Variants in UGT2A1 observed in about 807,000 individuals in gnomAD.
UGT2A1 encodes the protein UDP-glucuronosyltransferase 2A1.
In UGT2A1, 61 loss-of-function variants were observed where a neutral mutation model predicts 45.4. The observed-to-expected ratio is 1.34, with a 90% confidence interval of 1.09 to 1.66. The LOEUF is 1.66. UGT2A1 is among the 40% of genes most tolerant of loss of function. The pLI is 0.00. For synonymous variants in UGT2A1, 229 were observed against 196.2 expected (o/e 1.17, Z -1.40); for missense variants, 649 against 574.3 (o/e 1.13, Z -1.33).
At chr4:69,648,234 AAAT>A (rs1722371802) in intron 1 of UGT2A1, among the ~76,000 whole-genome samples, 1 of 149,684 alleles carries the variant, frequency 6.7e-6, no homozygotes, top group South Asian at 2.1e-4. Flanking sequence ...TAATACTTAT[AAAT>A]AATATGTATA....
intron 4 of UGT2A1, among the ~76,000 whole-genome samples, chr4:69,598,710 G>GT (rs4148317): frequency 3.9e-4 from 58 of 149,138 alleles, no homozygotes; most frequent in East Asian, 3.0e-3. Flanking sequence ...ACTCAAAAGA[G>GT]TTTTTTTTTT....
At chr4:69,627,277 A>G (rs1433713262) in intron 3 of UGT2A1, among the ~76,000 whole-genome samples, 2 of 151,904 alleles carry the variant, frequency 1.3e-5, no homozygotes, top group African/African-American at 4.8e-5. Context: ...TTTATAAAAA[A>G]AATCAAATCC....
chr4:69,614,461 A>ATAT (rs60158482), intron 3 of UGT2A1, among the ~76,000 whole-genome samples: 14 of 151,572 alleles, frequency 9.2e-5, no homozygotes, highest in African/African-American at 1.2e-4. Context: ...CAAATTAAAA[A>ATAT]ATATATATAT....
chr4:69,625,984 T>C (rs1179671039), intron 3 of UGT2A1, among the ~76,000 whole-genome samples: 2 of 151,586 alleles, frequency 1.3e-5, no homozygotes, highest in Non-Finnish European at 3.0e-5. Context: ...CACAAGCTAT[T>C]TATAATAGCT....
chr4:69,653,094 G>A (rs1051692988), intron 1 of UGT2A1, 94 bp downstream of exon 1: 7 of 152,060 alleles, frequency 4.6e-5, no homozygotes, highest in African/African-American at 7.2e-5. Flanking sequence ...GTAAACCAGC[G>A]TTTTAAAGAT....
At chr4:69,642,272 T>C (rs1336552281) in intron 2 of UGT2A1, among the ~76,000 whole-genome samples, 3 of 151,880 alleles carry the variant, frequency 2.0e-5, no homozygotes, top group East Asian at 3.9e-4. Context: ...GTCAATTACA[T>C]CTCCAATGTA....
At chr4:69,630,535 AC>A (rs1721325747) in intron 3 of UGT2A1, among the ~76,000 whole-genome samples, 1 of 152,110 alleles carries the variant, frequency 6.6e-6, no homozygotes, top group Non-Finnish European at 1.5e-5. Flanking sequence ...ACTCTAAGCT[AC>A]TACAAATCAC....
chr4:69,609,386 G>C (rs949391019), intron 3 of UGT2A1, among the ~76,000 whole-genome samples: 1 of 151,708 alleles, frequency 6.6e-6, no homozygotes, highest in Non-Finnish European at 1.5e-5. Context: ...GTGTTGTAGA[G>C]ATGATGTCTC....
chr4:69,617,016 T>G (rs1173912525), intron 3 of UGT2A1, among the ~76,000 whole-genome samples: 2 of 151,872 alleles, frequency 1.3e-5, no homozygotes, highest in Non-Finnish European at 2.9e-5. Context: ...AATATGTAGC[T>G]GGTGGAAATA....
At chr4:69,652,727 A>G (rs1175987624) in intron 1 of UGT2A1, among the ~76,000 whole-genome samples, 1 of 152,224 alleles carries the variant, frequency 6.6e-6, no homozygotes, top group African/African-American at 2.4e-5. Context: ...CCCACTAAAG[A>G]TGACATCTCA....
In UGT2A1 at chr4:69,647,299, T is replaced by C; in HGVS notation, c.346A>G (p.Lys116Glu). 1 of 1,613,380 alleles carries C rather than the reference T, an allele frequency of 6.2e-7. No homozygotes were observed. The highest frequency in any genetic ancestry group is 8.5e-7 in the Non-Finnish European group (1 of 1,179,538). Residue 116 changes from lysine (K) to glutamate (E), a missense_variant, in exon 2 of 7, where the codon AAG becomes GAG. Transcript: ENST00000286604. Reference protein sequence around the residue: ...RFYQEMAKVIKDFHMVSQEIC... With the variant: ...RFYQEMAKVIEDFHMVSQEIC... Reference sequence around the variant, plus strand: ...TCCTGAGACACCATGTGGAAGTCCTTGATTACTTTGGCCATCTCCTGATAG... The same window carrying C: ...TCCTGAGACACCATGTGGAAGTCCTCGATTACTTTGGCCATCTCCTGATAG...
At chr4:69,641,880 A>T (rs1429401472) in intron 2 of UGT2A1, among the ~76,000 whole-genome samples, 1 of 151,768 alleles carries the variant, frequency 6.6e-6, no homozygotes, top group Non-Finnish European at 1.5e-5. Context: ...GCTAGCTATG[A>T]TATTTTAGGG....
In UGT2A1 at chr4:69,604,682, C is replaced by T. The variant is rs187165149; in HGVS notation, c.848-5288G>A. Among the ~76,000 whole-genome samples, 23 of 136,494 alleles carry T rather than the reference C, an allele frequency of 1.7e-4. 4 individuals carry two copies. Among genetic ancestry groups the T allele is most frequent in the East Asian group, 1.6e-3 (8 of 4,862 alleles). The allele number at this position is 136,494 out of a possible 152,430, so 89.5% of individuals were successfully genotyped here. A position where few individuals can be genotyped will look rare whatever the true frequency, so the allele number is the denominator to read the frequency against. On this transcript the variant is annotated intron_variant, in intron 3 of 6. Coordinates refer to ENST00000286604, the MANE Select transcript of UGT2A1 (RefSeq NM_001252275.3). ...TGCTGTATTCAGGAAACCCATCTCA[C>T]GTGAAGAGACACACATAGGCTCAAA...
At chr4:69,596,436 A>C (rs753668491) in intron 4 of UGT2A1, 65 of 1,425,328 alleles carry the variant, frequency 4.6e-5, no homozygotes, top group Non-Finnish European at 4.9e-5. Flanking sequence ...AGAAAAAATA[A>C]GTTTACTTAC....
At chr4:69,614,382 C>T (rs1390953692) in intron 3 of UGT2A1, among the ~76,000 whole-genome samples, 1 of 151,796 alleles carries the variant, frequency 6.6e-6, no homozygotes, top group Admixed American at 6.6e-5. Context: ...AGCATTAAAA[C>T]GTCTATAGCA....
chr4:69,649,121 T>C (rs1020369067), intron 1 of UGT2A1, among the ~76,000 whole-genome samples: 3 of 152,112 alleles, frequency 2.0e-5, no homozygotes, highest in Non-Finnish European at 4.4e-5. Context: ...TGTTAATAAA[T>C]CTTCTGAAAT....
intron 3 of UGT2A1, among the ~76,000 whole-genome samples, chr4:69,633,848 T>G (rs1157861693): frequency 6.6e-6 from 1 of 152,128 alleles, no homozygotes; most frequent in Admixed American, 6.5e-5. Context: ...CATTCATGTT[T>G]TGTTTATTAA....
At chr4:69,636,166 A>G (rs961091526) in intron 2 of UGT2A1, among the ~76,000 whole-genome samples, 2 of 152,180 alleles carry the variant, frequency 1.3e-5, no homozygotes, top group Non-Finnish European at 2.9e-5. Flanking sequence ...ACAATTTAAC[A>G]TATCATTTCT....
At chr4:69,610,469 T>A (rs1299334263) in intron 3 of UGT2A1, among the ~76,000 whole-genome samples, 1 of 152,176 alleles carries the variant, frequency 6.6e-6, no homozygotes, top group African/African-American at 2.4e-5. Context: ...TTTTTTCAGT[T>A]GACTTATGAA....
Sources: gnomAD v4.1 joint callset for allele counts (sites outside exome capture counted in the v4.1 genomes callset) on GRCh38, gnomAD v4.1.1 for gene constraint, MANE v1.5 for transcripts, NCBI Gene and HGNC (gene_info 2026-07-23, HGNC 2026-07-21) for gene names.